Variants in ACAD9 observed in about 807,000 individuals in gnomAD.
The protein encoded by ACAD9 is complex I assembly factor ACAD9, mitochondrial.
Under a neutral mutation model 70.2 loss-of-function variants are expected in ACAD9, and 53 were observed. That is an observed-to-expected ratio of 0.75 (90% CI 0.61 to 0.95). The LOEUF (loss-of-function observed/expected upper bound fraction) is 0.95. Ranked by LOEUF, ACAD9 falls within the 40% of genes least tolerant of loss-of-function variation. ACAD9 has a pLI of 0.00. For synonymous variants in ACAD9, 313 were observed against 312.1 expected (o/e 1.00, Z -0.03); for missense variants, 777 against 802.8 (o/e 0.97, Z 0.39).
At chr3:128,887,624 TAA>T (rs1935288140) in intron 2 of ACAD9, among the ~76,000 whole-genome samples, 3 of 110,570 alleles carry the variant, frequency 2.7e-5, no homozygotes, top group African/African-American at 1.3e-4. Context: ...AAAATAAAAA[TAA>T]AAATAAAAAA....
chr3:128,899,377 A>G lies in ACAD9; in HGVS notation c.724A>G (p.Ile242Val). The G allele has an allele frequency of 6.2e-7, 1 of 1,614,286 alleles. No homozygotes were observed. Among genetic ancestry groups the G allele is most frequent in the Non-Finnish European group, 8.5e-7 (1 of 1,180,058 alleles). ...TTCTGATGGATCAGTGAAAGACAAA[A>G]TCACAGCATTCATAGTAGAAAGAGA... ...VDSDGSVKDK[I>V]TAFIVERDFG... The change falls in exon 7 of 18, where the codon ATC becomes GTC. Residue 242 changes from isoleucine to valine, a missense_variant. Ile to Val is a conservative substitution (Grantham distance 29, BLOSUM62 3). Transcript: ENST00000308982.
intron 12 of ACAD9, 45 bp from the exon 13 acceptor site, chr3:128,908,140 G>T (rs773604580): frequency 6.3e-7 from 1 of 1,595,888 alleles, no homozygotes; most frequent in Non-Finnish European, 8.6e-7. Flanking sequence ...TACCATGGCT[G>T]CCTGGCCGGG....
At chr3:128,894,508 GCTTT>G (rs2107649417) in intron 3 of ACAD9, among the ~76,000 whole-genome samples, 1 of 151,134 alleles carries the variant, frequency 6.6e-6, no homozygotes, top group African/African-American at 2.4e-5. Flanking sequence ...ACAGAAATGC[GCTTT>G]CTGAGGCACA....
intron 1 of ACAD9, among the ~76,000 whole-genome samples, chr3:128,884,024 C>G (rs956172289): frequency 2.0e-5 from 3 of 152,084 alleles, no homozygotes; most frequent in Non-Finnish European, 2.9e-5. Context: ...TAGCAGAGCC[C>G]AAAAGTCCAG....
At chr3:128,894,443 G>A (rs1338588163) in intron 3 of ACAD9, among the ~76,000 whole-genome samples, 1 of 150,526 alleles carries the variant, frequency 6.6e-6, no homozygotes, top group Non-Finnish European at 1.5e-5. Context: ...CATATTTAAA[G>A]TATATATCTA....
chr3:128,910,456 A>G (rs1445432705), intron 16 of ACAD9: 18 of 951,250 alleles, frequency 1.9e-5, no homozygotes, highest in Non-Finnish European at 2.3e-5. Flanking sequence ...CTGAGGACCC[A>G]CTGTATACCA....
At chr3:128,893,373 T>C in intron 2 of ACAD9, 182 bp from the exon 3 acceptor site, 1 of 522,428 alleles carries the variant, frequency 1.9e-6, no homozygotes, top group Non-Finnish European at 3.4e-6. Flanking sequence ...AAAATAAAAT[T>C]TTTCCTGGGC....
At chr3:128,892,664 A>C (rs1296451047) in intron 2 of ACAD9, among the ~76,000 whole-genome samples, 1 of 152,332 alleles carries the variant, frequency 6.6e-6, no homozygotes, top group East Asian at 1.9e-4. Flanking sequence ...CTGAGACTAC[A>C]GGCTGAATGT....
intron 2 of ACAD9, among the ~76,000 whole-genome samples, chr3:128,890,190 C>A (rs1935377894): frequency 6.6e-6 from 1 of 151,588 alleles, no homozygotes; most frequent in Non-Finnish European, 1.5e-5. Context: ...CAGGTTCAAG[C>A]GATTCTGCCT....
intron 3 of ACAD9, among the ~76,000 whole-genome samples, chr3:128,893,908 C>T (rs1266150802): frequency 6.6e-6 from 1 of 152,170 alleles, no homozygotes; most frequent in Non-Finnish European, 1.5e-5. Flanking sequence ...GAGATTGGAC[C>T]AGTGGGAACC....
At chr3:128,883,086 T>C (rs902887150) in intron 1 of ACAD9, among the ~76,000 whole-genome samples, 1 of 151,182 alleles carries the variant, frequency 6.6e-6, no homozygotes, top group African/African-American at 2.5e-5. Context: ...TTTTTTTTTT[T>C]TTCTTGTTTT....
chr3:128,879,928 C>A (rs111805092), intron 1 of ACAD9, 87 bp downstream of exon 1: 2 of 1,603,602 alleles, frequency 1.2e-6, no homozygotes, highest in East Asian at 4.5e-5. Flanking sequence ...TTGTGAGATT[C>A]CCCAAACCTG....
Position 128,895,419 on chromosome 3 carries a change from C to T in ACAD9, c.453+3C>T. On this transcript the variant is annotated splice_donor_region_variant and intron_variant, in intron 4 of 17. Transcript: ENST00000308982. ...CGCACCAGGCTATTGGCCTCAAGGTCAGGTATCTGGGGATTCTGTGTGGTG... is the reference window on the plus strand; with the variant it reads ...CGCACCAGGCTATTGGCCTCAAGGTTAGGTATCTGGGGATTCTGTGTGGTG... The T allele has an allele frequency of 6.2e-7, 1 of 1,600,980 alleles. No homozygotes were observed. The highest frequency in any genetic ancestry group is 8.5e-7 in the Non-Finnish European group (1 of 1,173,780).
chr3:128,909,372 CCTA>C lies in ACAD9; in HGVS notation c.1517_1519del (p.Tyr506del). 6.2e-7 allele frequency: 1 copy of C among 1,614,196 alleles called. No homozygotes were observed. The highest frequency in any genetic ancestry group is 8.5e-7 in the Non-Finnish European group (1 of 1,180,036). On this transcript the variant is annotated inframe_deletion, in exon 15 of 18. Coordinates refer to ENST00000308982, the MANE Select transcript of ACAD9 (RefSeq NM_014049.5). ...AGTGCCAACAAGTTTGAGGAGAACA[CCTA>C]CTGCTTCGGCCGGACCGTGGAGACA...
chr3:128,902,771 T>A lies in ACAD9; in HGVS notation c.958+143T>A. The A allele has an allele frequency of 4.2e-6, 4 of 943,498 alleles. No individual in the cohort carries two copies. Among genetic ancestry groups the A allele is most frequent in the Non-Finnish European group, 6.7e-6 (4 of 597,754 alleles). 58.4% of individuals were successfully genotyped at this position (943,498 alleles called of 1,614,324 possible). A position where few individuals can be genotyped will look rare whatever the true frequency, so the allele number is the denominator to read the frequency against. On this transcript the variant is annotated intron_variant, in intron 9 of 17. Transcript: ENST00000308982. The surrounding 1 kb of genome is among the most constrained non-coding windows in gnomAD (Gnocchi z 4.0). The stretch of plus-strand genomic sequence containing the variant: ...CCTGAGCTCAGTCCCTGGGCTTTTG[T>A]GGAGACCAGAGGGTCTCCTCAGCCT...
chr3:128,896,022 T>G (rs1935559237), intron 4 of ACAD9, among the ~76,000 whole-genome samples: 1 of 152,202 alleles, frequency 6.6e-6, no homozygotes, highest in Non-Finnish European at 1.5e-5. Flanking sequence ...AGCACCTTCT[T>G]TAGGATAGGC....
chr3:128,906,271 T>C (rs1300904021), intron 12 of ACAD9, 22 bp downstream of exon 12: 6 of 1,613,480 alleles, frequency 3.7e-6, no homozygotes, highest in Non-Finnish European at 5.1e-6. Context: ...CGCCACCAGC[T>C]AAGCTGTGCT....
chr3:128,903,217 G>A (rs754646827), intron 9 of ACAD9, among the ~76,000 whole-genome samples: 4 of 152,170 alleles, frequency 2.6e-5, no homozygotes, highest in East Asian at 1.9e-4. Context: ...GGGGGTACCC[G>A]GGGCAGCACA....
intron 2 of ACAD9, among the ~76,000 whole-genome samples, chr3:128,886,838 TACCTGTTTGTGC>T (rs2107643110): frequency 1.3e-5 from 2 of 151,682 alleles, no homozygotes; most frequent in East Asian, 3.9e-4. Context: ...TGGATTCTCA[TACCTGTTTGTGC>T]ACGTAACCTC....
Sources: allele counts gnomAD v4.1 joint callset (sites outside exome capture counted in the v4.1 genomes callset), GRCh38; gene constraint gnomAD v4.1.1; non-coding constraint Gnocchi (gnomAD v3.1); transcripts MANE v1.5; gene names NCBI Gene and HGNC (gene_info 2026-07-23, HGNC 2026-07-21).